The following IPO7 variants were observed in gnomAD, a reference collection of about 807,000 sequenced individuals.
The protein encoded by IPO7 is importin-7.
In IPO7, 13 loss-of-function variants were observed where a neutral mutation model predicts 136.4. The ratio of observed to expected loss-of-function variants is 0.10; its 90% CI spans 0.06 to 0.15. IPO7 has a LOEUF of 0.15. Among genes scored for constraint, IPO7 ranks in the 10% least tolerant of loss-of-function variants. The pLI, the probability that IPO7 is intolerant of heterozygous loss-of-function variation, is 1.00. For missense variants in IPO7, 857 were observed against 1,240.6 expected (o/e 0.69, Z 4.65); for synonymous variants, 403 against 404.4 (o/e 1.00, Z 0.04).
At chr11:9,414,478 CAAAG>C in intron 5 of IPO7, 67 bp downstream of exon 5, 3 of 1,000,366 alleles carry the variant, frequency 3.0e-6, no homozygotes, top group Non-Finnish European at 4.3e-6. Flanking sequence ...TAAAAATTAA[CAAAG>C]AATTTCAGCA....
chr11:9,427,705 C>T (rs1222073526), intron 12 of IPO7, among the ~76,000 whole-genome samples: 1 of 152,212 alleles, frequency 6.6e-6, no homozygotes, highest in Non-Finnish European at 1.5e-5. Flanking sequence ...TCTTACCTTT[C>T]ACTCAGCTTC....
chr11:9,387,619 G>C (rs879837049), intron 1 of IPO7, among the ~76,000 whole-genome samples: 3 of 152,230 alleles, frequency 2.0e-5, no homozygotes, highest in Admixed American at 2.0e-4. Flanking sequence ...ATCACTTGAG[G>C]TTGGGAGTTT....
rs1565002942 is a variant in IPO7, at chr11:9,433,648, CTGAT to C, written c.1948+15_1948+18del. 6.2e-7 allele frequency: 1 copy of C among 1,612,488 alleles called. No homozygotes were observed. Among genetic ancestry groups the C allele is most frequent in the Non-Finnish European group, 8.5e-7 (1 of 1,179,212 alleles). On this transcript the variant is annotated intron_variant, in intron 17 of 24. Coordinates refer to ENST00000379719, the MANE Select transcript of IPO7 (RefSeq NM_006391.3). ...ACAGCATGTCTTAGGTATTATACCT[CTGAT>C]TGTGCTAAGAATTTAGTGCTATTTC...
intron 18 of IPO7, 77 bp downstream of exon 18, chr11:9,433,923 C>A: frequency 9.6e-7 from 1 of 1,042,110 alleles, no homozygotes; most frequent in Non-Finnish European, 1.3e-6. Context: ...TGAACATACA[C>A]TTTTTTTTTT....
At chr11:9,401,001 G>A (rs1411131455) in intron 1 of IPO7, among the ~76,000 whole-genome samples, 3 of 151,668 alleles carry the variant, frequency 2.0e-5, no homozygotes, top group South Asian at 4.2e-4. Flanking sequence ...GGCCAACATG[G>A]CAAAACCCGT....
At position 9,384,781 on chromosome 11, in the gene IPO7, T is replaced by G; in HGVS notation, c.18T>G (p.Ile6Met). Residue 6 changes from isoleucine to methionine, a missense_variant, in exon 1 of 25, where the codon ATT (isoleucine) becomes ATG (methionine). Ile to Met is a conservative substitution (Grantham distance 10). Around this residue, in one of 11 missense-constraint regions of IPO7, gnomAD observed 49 missense variants for 59.9 expected, o/e 0.82. Transcript: ENST00000379719. ...GCGCTGCGATGGACCCCAACACCAT[T>G]ATCGAGGCCCTGCGGGGCACTATGG... MDPNT[I>M]IEALRGTMDP... 2 of 1,606,290 alleles carry G rather than the reference T, an allele frequency of 1.2e-6. No individual in the cohort carries two copies. The highest frequency in any genetic ancestry group is 1.3e-5 in the African/African-American group (1 of 74,730).
intron 6 of IPO7, among the ~76,000 whole-genome samples, chr11:9,419,557 A>AAT (rs1554954679): frequency 7.9e-6 from 1 of 125,836 alleles, no homozygotes; most frequent in African/African-American, 3.6e-5. Context: ...AAAAAAAAAA[A>AAT]AAATATATAT....
rs895506903 is a variant in IPO7 at position 9,436,347 on chromosome 11, A to G, written c.2249A>G (p.Lys750Arg). 1.2e-6 allele frequency: 2 copies of G among 1,612,926 alleles called. No homozygotes were observed. Among genetic ancestry groups the G allele is most frequent in the South Asian group, 1.1e-5 (1 of 91,036 alleles). The change falls in exon 20 of 25, where the codon AAA (lysine) becomes AGA (arginine). Residue 750 changes from lysine (K) to arginine (R), a missense_variant. Physicochemically the swap from Lys to Arg is conservative, Grantham distance 26. This residue lies in a region of IPO7 where 190 missense variants were observed against 249.0 expected (regional missense o/e 0.76). Coordinates refer to ENST00000379719, the MANE Select transcript of IPO7 (RefSeq NM_006391.3). ...KLLEVIILQC[K>R]GRGIDQCIPL... is the part of the protein sequence containing the mutation. ...TTAGAGGTCATCATTCTGCAGTGCAAAGGGCGTGGCATTGACCAGGTCAGT... is the reference window on the plus strand; with the variant it reads ...TTAGAGGTCATCATTCTGCAGTGCAGAGGGCGTGGCATTGACCAGGTCAGT...
At chr11:9,395,297 G>A (rs562986303) in intron 1 of IPO7, among the ~76,000 whole-genome samples, 3 of 152,190 alleles carry the variant, frequency 2.0e-5, no homozygotes, top group African/African-American at 7.2e-5. Context: ...AGGCTAGAGT[G>A]CAGTGGTACG....
intron 1 of IPO7, among the ~76,000 whole-genome samples, chr11:9,394,520 A>G (rs1486728446): frequency 6.6e-6 from 1 of 152,178 alleles, no homozygotes; most frequent in Non-Finnish European, 1.5e-5. Context: ...TCTTCATTAC[A>G]TTCTTCACAG....
intron 1 of IPO7, among the ~76,000 whole-genome samples, chr11:9,397,341 A>AAATATATATATATATATATATATATAT: frequency 9.3e-5 from 1 of 10,762 alleles, no homozygotes; most frequent in Non-Finnish European, 1.8e-4. Flanking sequence ...TTTAAAAAAA[A>AAATATATATATATATATATATATATAT]ATATATATAT....
intron 1 of IPO7, chr11:9,392,395 C>G (rs559955677): frequency 4.3e-6 from 1 of 232,158 alleles, no homozygotes; most frequent in South Asian, 4.1e-5. Flanking sequence ...AGGCTGGTCT[C>G]GAACTCCCGA....
intron 12 of IPO7, among the ~76,000 whole-genome samples, chr11:9,425,556 C>T (rs949852891): frequency 1.3e-5 from 2 of 152,088 alleles, no homozygotes; most frequent in African/African-American, 4.8e-5. Flanking sequence ...GCCTGGCCAA[C>T]ATGGTGAAAC....
At chr11:9,434,814 A>G in intron 18 of IPO7, 120 bp from the exon 19 acceptor site, 1 of 658,790 alleles carries the variant, frequency 1.5e-6, no homozygotes, top group East Asian at 3.1e-5. Flanking sequence ...CCCCAAAAAA[A>G]GGTGAATGTT....
intron 4 of IPO7, among the ~76,000 whole-genome samples, chr11:9,413,832 A>T (rs1429078107): frequency 6.6e-6 from 1 of 151,958 alleles, no homozygotes; most frequent in Non-Finnish European, 1.5e-5. Context: ...GCAGCTGATA[A>T]ATAAAAAATT....
At chr11:9,444,050 G>A (rs193076500) in intron 24 of IPO7, among the ~76,000 whole-genome samples, 56 of 152,228 alleles carry the variant, frequency 3.7e-4, no homozygotes, top group Middle Eastern at 3.4e-3. Flanking sequence ...TGAGGCTGGC[G>A]GATTACTTGA....
intron 1 of IPO7, among the ~76,000 whole-genome samples, chr11:9,385,782 A>G (rs915328451): frequency 6.6e-6 from 1 of 152,046 alleles, no homozygotes; most frequent in African/African-American, 2.4e-5. Flanking sequence ...GCTTAATTGC[A>G]TGAATATTTA....
intron 5 of IPO7, among the ~76,000 whole-genome samples, chr11:9,415,559 C>T (rs1270168479): frequency 2.0e-5 from 3 of 152,144 alleles, no homozygotes; most frequent in African/African-American, 7.2e-5. Context: ...ATGGTTGGGG[C>T]CGGGCGTGAT....
chr11:9,416,832 A>G (rs962050506), intron 5 of IPO7, among the ~76,000 whole-genome samples: 7 of 152,236 alleles, frequency 4.6e-5, no homozygotes, highest in African/African-American at 1.4e-4. Context: ...TACAATAAAT[A>G]TCACACCTTA....
Sources: gnomAD v4.1 joint callset for allele counts (sites outside exome capture counted in the v4.1 genomes callset) on GRCh38, gnomAD v4.1.1 for gene constraint, gnomAD v4.1.1 regional missense constraint, MANE v1.5 for transcripts, NCBI Gene and HGNC (gene_info 2026-07-23, HGNC 2026-07-21) for gene names.